TBCD: variants seen among roughly 807,000 people sequenced by gnomAD.
TBCD encodes tubulin-specific chaperone D.
TBCD carries 105 observed loss-of-function variants against 169.3 expected under a neutral mutation model. The ratio of observed to expected loss-of-function variants is 0.62; its 90% CI spans 0.53 to 0.73. The LOEUF (loss-of-function observed/expected upper bound fraction) is 0.73. Ranked by LOEUF, TBCD falls within the 30% of genes least tolerant of loss-of-function variation. The probability of loss-of-function intolerance (pLI) is 0.00; values close to 1 mark genes in which losing one functional copy is unlikely to be tolerated. For missense variants in TBCD, 1,444 were observed against 1,600.1 expected (o/e 0.90, Z 1.66); for synonymous variants, 700 against 643.9 (o/e 1.09, Z -1.32).
intron 13 of TBCD, among the ~76,000 whole-genome samples, chr17:82,820,886 T>A: frequency 6.6e-6 from 1 of 151,816 alleles, no homozygotes; most frequent in Non-Finnish European, 1.5e-5. Context: ...TGGTGCCCTA[T>A]GAGTCTCTTA....
In TBCD at chr17:82,915,126, A is replaced by G. The variant is rs1396619383; in HGVS notation, c.2038+3337A>G. On this transcript the variant is annotated intron_variant, in intron 23 of 38. Coordinates refer to ENST00000355528, the MANE Select transcript of TBCD (RefSeq NM_005993.5). The surrounding 1 kb of genome is among the most constrained non-coding windows in gnomAD (Gnocchi z 4.3). ...TGAGAAATCTGCGGGTTCACGGGCT[A>G]CATGTGGGAGACGGGGAGGGGCTGC... is the stretch of plus-strand genomic sequence containing the variant. Among the ~76,000 whole-genome samples the G allele has an allele frequency of 2.0e-5, 3 of 152,108 alleles. No homozygotes were observed. The highest frequency in any genetic ancestry group is 4.4e-5 in the Non-Finnish European group (3 of 68,014).
chr17:82,824,814 G>A (rs2052698880), intron 13 of TBCD, among the ~76,000 whole-genome samples: 1 of 152,284 alleles, frequency 6.6e-6, no homozygotes, highest in Middle Eastern at 3.4e-3. Flanking sequence ...GAATTAGTGG[G>A]TCATGTGGTA....
chr17:82,903,282 T>G lies in TBCD; in HGVS notation c.1731-123T>G. ...GTACTGGTTCGTGTGAGTGAGTGAG[T>G]GAGCCTCTGCTAAGTGGCCGGTTGA... On this transcript the variant is annotated intron_variant, in intron 18 of 38. Transcript: ENST00000355528. This position sits in a 1 kb window ranked among gnomAD's most constrained non-coding sequence, Gnocchi z 4.8. 1.2e-6 allele frequency: 1 copy of G among 837,644 alleles called. No individual in the cohort carries two copies. The highest frequency in any genetic ancestry group is 1.9e-6 in the Non-Finnish European group (1 of 514,400). The allele number at this position is 837,644 out of a possible 1,614,324, so 51.9% of individuals were successfully genotyped here.
At chr17:82,823,619 T>C (rs2052591009) in intron 13 of TBCD, among the ~76,000 whole-genome samples, 2 of 151,742 alleles carry the variant, frequency 1.3e-5, no homozygotes, top group Admixed American at 1.3e-4. Context: ...GTTAAGACTG[T>C]TTAGAAAGGG....
Position 82,889,554 on chromosome 17 carries a change from A to G in TBCD, c.1534-114A>G. The G allele has an allele frequency of 4.6e-6, 6 of 1,299,860 alleles. No homozygotes were observed. Among genetic ancestry groups the G allele is most frequent in the Non-Finnish European group, 5.4e-6 (5 of 921,238 alleles). 80.5% of individuals were successfully genotyped at this position (1,299,860 alleles called of 1,614,324 possible). On this transcript the variant is annotated intron_variant, in intron 15 of 38. Coordinates refer to ENST00000355528, the MANE Select transcript of TBCD (RefSeq NM_005993.5). This position sits in a 1 kb window ranked among gnomAD's most constrained non-coding sequence, Gnocchi z 5.3. ...TGTTCAGCCAACAATGAGGGCTTTTATTTAAAAAATAAAGCCGTGGGTCAT... is the reference window on the plus strand; with the variant it reads ...TGTTCAGCCAACAATGAGGGCTTTTGTTTAAAAAATAAAGCCGTGGGTCAT...
At position 82,923,105 on chromosome 17, in the gene TBCD, C is replaced by T. The variant is rs1465321891; in HGVS notation, c.2179-547C>T. ...GCCCTGTCTCTCTAAATGAGGCTGA[C>T]GTGGCTTGGCCTGAAGGCCCTGCCC... is the stretch of plus-strand genomic sequence containing the variant. On this transcript the variant is annotated intron_variant, in intron 25 of 38. Coordinates refer to ENST00000355528, the MANE Select transcript of TBCD (RefSeq NM_005993.5). This position sits in a 1 kb window ranked among gnomAD's most constrained non-coding sequence, Gnocchi z 4.6. 1.3e-5 allele frequency among the ~76,000 whole-genome samples: 2 copies of T among 152,234 alleles called. No homozygotes were observed. The highest frequency in any genetic ancestry group is 2.9e-5 in the Non-Finnish European group (2 of 68,040).
chr17:82,871,142 G>A (rs529009177), intron 14 of TBCD, among the ~76,000 whole-genome samples: 1 of 151,860 alleles, frequency 6.6e-6, no homozygotes, highest in Non-Finnish European at 1.5e-5. Flanking sequence ...CTGCCTCGGT[G>A]TCCAGTGCGC....
At chr17:82,853,064 C>T (rs2055936758) in intron 13 of TBCD, among the ~76,000 whole-genome samples, 2 of 152,104 alleles carry the variant, frequency 1.3e-5, no homozygotes, top group Non-Finnish European at 2.9e-5. Context: ...TCAGCTTTCT[C>T]TCTCTCTTTT....
intron 13 of TBCD, among the ~76,000 whole-genome samples, chr17:82,869,976 G>A (rs75273598): frequency 1.1e-4 from 17 of 152,050 alleles, no homozygotes; most frequent in Non-Finnish European, 1.9e-4. Context: ...TTGCTTCATG[G>A]CACTTGAAAA....
At chr17:82,808,039 T>C (rs1008676169) in intron 11 of TBCD, among the ~76,000 whole-genome samples, 2 of 152,118 alleles carry the variant, frequency 1.3e-5, no homozygotes, top group African/African-American at 4.8e-5. Context: ...TTTTGTGGGG[T>C]GAGCAGGTGC....
chr17:82,869,503 GAGCCAGACCCTGTCTCAAAAAAATA>G (rs1215700668), intron 13 of TBCD, among the ~76,000 whole-genome samples: 1 of 152,180 alleles, frequency 6.6e-6, no homozygotes, highest in Non-Finnish European at 1.5e-5. Flanking sequence ...CTGGGAGACA[GAGCCAGACCCTGTCTCAAAAAAATA>G]AGAAATAAAT....
chr17:82,830,907 G>A (rs1348579409), intron 13 of TBCD: 6 of 1,612,888 alleles, frequency 3.7e-6, no homozygotes, highest in Non-Finnish European at 5.1e-6. Flanking sequence ...AGCTTAGTAG[G>A]AGCTTGCTTA....
At chr17:82,887,308 C>T (rs1022544943) in intron 15 of TBCD, among the ~76,000 whole-genome samples, 1 of 152,120 alleles carries the variant, frequency 6.6e-6, no homozygotes, top group African/African-American at 2.4e-5. Flanking sequence ...GCCCACAGTC[C>T]CTGCTGTTTC....
intron 23 of TBCD, chr17:82,914,222 C>T (rs911304035): frequency 2.6e-5 from 4 of 152,454 alleles, no homozygotes; most frequent in Non-Finnish European, 2.9e-5. Context: ...TCACGCCATC[C>T]GGGTTCTCGG....
chr17:82,877,590 T>C (rs2058059359), intron 14 of TBCD, among the ~76,000 whole-genome samples: 1 of 152,214 alleles, frequency 6.6e-6, no homozygotes, highest in Admixed American at 6.5e-5. Flanking sequence ...TCCACCCACC[T>C]TGGCCTCCCA....
chr17:82,894,983 A>C (rs2059383118), intron 17 of TBCD, among the ~76,000 whole-genome samples: 1 of 152,200 alleles, frequency 6.6e-6, no homozygotes. Flanking sequence ...TCTAAAGAAA[A>C]AGACAATCTA....
chr17:82,926,606 T>C lies in TBCD; in HGVS notation c.2471+115T>C. 4.8e-6 allele frequency: 4 copies of C among 826,608 alleles called. No individual in the cohort carries two copies. The South Asian group carries it at 6.5e-5, about 13-fold the overall frequency. 51.2% of individuals were successfully genotyped at this position (826,608 alleles called of 1,614,324 possible). On this transcript the variant is annotated intron_variant, in intron 28 of 38. Transcript: ENST00000355528. Reference sequence around the variant, plus strand: ...ACTTATGATTCTTCACTTCCTAGGTTTCCTCTCTTCCAGAGGATCGTCAGT... The same window carrying C: ...ACTTATGATTCTTCACTTCCTAGGTCTCCTCTCTTCCAGAGGATCGTCAGT...
chr17:82,766,345 A>G lies in TBCD; in HGVS notation c.412A>G (p.Ile138Val), dbSNP rs1291589060. The G allele has an allele frequency of 2.5e-6, 4 of 1,612,794 alleles. No homozygotes were observed. The highest frequency in any genetic ancestry group is 3.4e-6 in the Non-Finnish European group (4 of 1,179,426). ...DVEPVLDLVTIQNPKDHEAWE... is the reference protein window; with the variant it reads ...DVEPVLDLVTVQNPKDHEAWE... ...AGAGCCTGTTTTAGATTTGGTCACA[A>G]TTCAGAATCCCAAGGACCATGAAGT... Residue 138 changes from isoleucine (I) to valine (V), a missense_variant, in exon 4 of 39, where the codon ATT (isoleucine) becomes GTT (valine). Coordinates refer to ENST00000355528, the MANE Select transcript of TBCD (RefSeq NM_005993.5).
intron 13 of TBCD, chr17:82,865,547 C>T (rs982983098): frequency 4.0e-5 from 39 of 985,458 alleles, no homozygotes; most frequent in Admixed American, 6.1e-5. Context: ...CGGGGGTACT[C>T]GGCTGCACTG....
Sources: allele counts gnomAD v4.1 joint callset (sites outside exome capture counted in the v4.1 genomes callset), GRCh38; gene constraint gnomAD v4.1.1; non-coding constraint Gnocchi (gnomAD v3.1); transcripts MANE v1.5; gene names NCBI Gene and HGNC (gene_info 2026-07-23, HGNC 2026-07-21).